STON2: variants seen among roughly 807,000 people sequenced by gnomAD.
STON2 encodes the protein stonin-2.
In STON2, 29 loss-of-function variants were observed where a neutral mutation model predicts 65.7. That is an observed-to-expected ratio of 0.44 (90% CI 0.33 to 0.60). The LOEUF (loss-of-function observed/expected upper bound fraction) is 0.60, where lower values mean the gene tolerates loss of function less well. STON2 is among the 20% of genes least tolerant of loss of function. The pLI, the probability that STON2 is intolerant of heterozygous loss-of-function variation, is 0.03. For synonymous variants in STON2, 404 were observed against 414.2 expected, an observed-to-expected ratio of 0.98 and a Z score of 0.30; for missense variants, 1,054 against 1,118.1, an observed-to-expected ratio of 0.94 and a Z score of 0.82.
intron 5 of STON2, among the ~76,000 whole-genome samples, chr14:81,309,492 T>A (rs1222822752): frequency 6.6e-6 from 1 of 152,240 alleles, no homozygotes; most frequent in African/African-American, 2.4e-5. Flanking sequence ...GATAATTTTT[T>A]AAATCACTTA....
intron 2 of STON2, among the ~76,000 whole-genome samples, chr14:81,415,923 G>A (rs1901410210): frequency 6.6e-6 from 1 of 152,182 alleles, no homozygotes; most frequent in Non-Finnish European, 1.5e-5. Flanking sequence ...CCTCTGAGAG[G>A]CCCTGAGCTT....
At chr14:81,339,698 G>A (rs1284859777) in intron 4 of STON2, among the ~76,000 whole-genome samples, 4 of 152,164 alleles carry the variant, frequency 2.6e-5, no homozygotes, top group South Asian at 2.1e-4. Context: ...GTAAGGCAAA[G>A]TATCAAGAAG....
chr14:81,375,899 T>G (rs994759751), intron 3 of STON2, among the ~76,000 whole-genome samples: 2 of 150,902 alleles, frequency 1.3e-5, no homozygotes, highest in Non-Finnish European at 3.0e-5. Context: ...TTAACTAGTA[T>G]CTAGTTGTCT....
chr14:81,263,664 A>G lies in STON2; in HGVS notation c.*4750T>C, dbSNP rs1864151998. 2.2e-6 allele frequency: 2 copies of G among 924,678 alleles called. No homozygotes were observed. Among genetic ancestry groups the G allele is most frequent in the East Asian group, 2.3e-4 (2 of 8,518 alleles). 57.3% of individuals were successfully genotyped at this position (924,678 alleles called of 1,614,324 possible). On this transcript the variant is annotated 3_prime_UTR_variant, in exon 8 of 8. Transcript: ENST00000614646. The stretch of plus-strand genomic sequence containing the variant: ...GACAATTCTTCTTCCTATGTGGCCC[A>G]GGGAAGCCAAAAGATTGGACCTCCC...
intron 5 of STON2, among the ~76,000 whole-genome samples, chr14:81,315,045 C>G (rs1007856326): frequency 6.6e-6 from 1 of 152,090 alleles, no homozygotes; most frequent in Non-Finnish European, 1.5e-5. Flanking sequence ...TTAGCTTTTC[C>G]TTCTCAGTAA....
At chr14:81,306,354 G>C (rs1295320519) in intron 5 of STON2, among the ~76,000 whole-genome samples, 2 of 146,506 alleles carry the variant, frequency 1.4e-5, no homozygotes, top group Non-Finnish European at 3.0e-5. Context: ...CTCAGCCTCT[G>C]AGCAGATGGG....
chr14:81,268,242 T>C lies in STON2; in HGVS notation c.*172A>G. On this transcript the variant is annotated 3_prime_UTR_variant, in exon 8 of 8. Coordinates refer to ENST00000614646, the MANE Select transcript of STON2 (RefSeq NM_001394390.1). ...AAAAGCCACCATTCTCAGGGTTTCCTGGTAAAATACAAGTAACTGCAAACA... is the reference window on the plus strand; with the variant it reads ...AAAAGCCACCATTCTCAGGGTTTCCCGGTAAAATACAAGTAACTGCAAACA... The C allele has an allele frequency of 8.7e-7, 1 of 1,152,362 alleles. No homozygotes were observed. The highest frequency in any genetic ancestry group is 1.1e-6 in the Non-Finnish European group (1 of 924,502). The allele number at this position is 1,152,362 out of a possible 1,614,324, so 71.4% of individuals were successfully genotyped here.
At chr14:81,294,206 C>T (rs1895672998) in intron 5 of STON2, among the ~76,000 whole-genome samples, 1 of 152,158 alleles carries the variant, frequency 6.6e-6, no homozygotes, top group African/African-American at 2.4e-5. Flanking sequence ...TTTGTTATGC[C>T]TCTTTACTCT....
In STON2 at chr14:81,276,987, A is replaced by G. The variant is rs189263179; in HGVS notation, c.2495T>C (p.Met832Thr). Residue 832 changes from methionine (M) to threonine (T), a missense_variant, in exon 6 of 8, where the codon ATG (methionine) becomes ACG (threonine). Met to Thr is a moderately conservative substitution (Grantham distance 81, BLOSUM62 -1). Coordinates refer to ENST00000614646, the MANE Select transcript of STON2 (RefSeq NM_001394390.1). ...STSVSGSEPV[M>T]RVTLGTAKYE... is the part of the protein sequence containing the mutation. ...CTTGGCAGTTCCCAGAGTTACTCTCATGACAGGCTCAGAGCCAGAAACACT... is the reference window on the plus strand; with the variant it reads ...CTTGGCAGTTCCCAGAGTTACTCTCGTGACAGGCTCAGAGCCAGAAACACT... The G allele has an allele frequency of 3.8e-5, 61 of 1,614,192 alleles. No homozygotes were observed. In the Admixed American group the frequency reaches 7.7e-4, roughly 20 times the overall value.
chr14:81,370,835 C>G (rs7153115), intron 4 of STON2, among the ~76,000 whole-genome samples, 153 bp downstream of exon 4: 4,112 of 152,318 alleles, frequency 0.027, 193 homozygotes, highest in African/African-American at 0.093. Flanking sequence ...CAATTTCCAG[C>G]CACTTTGGGT....
intron 3 of STON2, among the ~76,000 whole-genome samples, chr14:81,374,793 A>T (rs1899175720): frequency 6.6e-6 from 1 of 152,196 alleles, no homozygotes; most frequent in Non-Finnish European, 1.5e-5. Context: ...GAGAGGAGAA[A>T]GAAAATGGTA....
At chr14:81,290,811 G>T (rs991490278) in intron 5 of STON2, among the ~76,000 whole-genome samples, 3 of 152,116 alleles carry the variant, frequency 2.0e-5, no homozygotes, top group Non-Finnish European at 4.4e-5. Flanking sequence ...TTCAGTACTT[G>T]TCCAACTCTC....
chr14:81,279,753 G>A (rs1895032171), intron 5 of STON2, among the ~76,000 whole-genome samples: 1 of 152,036 alleles, frequency 6.6e-6, no homozygotes, highest in Admixed American at 6.6e-5. Context: ...TGCTCAATGA[G>A]GGTAAAGGTG....
chr14:81,400,588 A>C (rs1900558962), upstream of STON2, among the ~76,000 whole-genome samples: 1 of 152,034 alleles, frequency 6.6e-6, no homozygotes. Flanking sequence ...AACCCAGCAA[A>C]AGTCATGGAT....
intron 3 of STON2, among the ~76,000 whole-genome samples, chr14:81,390,799 C>T (rs1900044600): frequency 6.6e-6 from 1 of 152,150 alleles, no homozygotes; most frequent in African/African-American, 2.4e-5. Context: ...TTCTGGAAGC[C>T]AGAGTCTGAG....
intron 4 of STON2, among the ~76,000 whole-genome samples, chr14:81,330,263 G>C (rs907012283): frequency 6.6e-6 from 1 of 152,134 alleles, no homozygotes; most frequent in Admixed American, 6.5e-5. Flanking sequence ...AGAGGTGCTG[G>C]TCTGGCACCC....
At chr14:81,362,504 T>G (rs1452141570) in intron 4 of STON2, among the ~76,000 whole-genome samples, 3 of 152,104 alleles carry the variant, frequency 2.0e-5, no homozygotes, top group Admixed American at 2.0e-4. Context: ...TGGGTAGATG[T>G]TGGTTAAAGG....
At position 81,267,590 on chromosome 14, in the gene STON2, C is replaced by A; in HGVS notation, c.*824G>T. 1.0e-6 allele frequency: 1 copy of A among 985,332 alleles called. No homozygotes were observed. The highest frequency in any genetic ancestry group is 1.2e-6 in the Non-Finnish European group (1 of 829,872). The allele number at this position is 985,332 out of a possible 1,614,324, so 61.0% of individuals were successfully genotyped here. On this transcript the variant is annotated 3_prime_UTR_variant, in exon 8 of 8. Transcript: ENST00000614646. ...TTTTCAGTGTGAATTTGGGAATTCACTGAGATTGAATCTACCTCTTGAACT... is the reference window on the plus strand; with the variant it reads ...TTTTCAGTGTGAATTTGGGAATTCAATGAGATTGAATCTACCTCTTGAACT...
At chr14:81,420,221 T>G (rs74066456) in intron 2 of STON2, among the ~76,000 whole-genome samples, 1,856 of 152,222 alleles carry the variant, frequency 0.012, 26 homozygotes, top group African/African-American at 0.041. Context: ...CAGAGACAGG[T>G]AGGGCTAAGA....
Sources: gnomAD v4.1 joint callset for allele counts (sites outside exome capture counted in the v4.1 genomes callset) on GRCh38, gnomAD v4.1.1 for gene constraint, MANE v1.5 for transcripts, NCBI Gene and HGNC (gene_info 2026-07-23, HGNC 2026-07-21) for gene names.